The following SRPK2 variants were observed in gnomAD, a reference collection of about 807,000 sequenced individuals.
SRPK2 encodes SFRS protein kinase 2.
A neutral mutation model predicts 90.8 loss-of-function variants in SRPK2; 21 were observed. The observed-to-expected ratio is 0.23, with a 90% confidence interval of 0.16 to 0.33. The LOEUF is 0.33. Among genes scored for constraint, SRPK2 ranks in the 10% least tolerant of loss-of-function variants. The pLI is 1.00. For missense variants in SRPK2, 620 were observed against 869.0 expected (o/e 0.71, Z 3.60); for synonymous variants, 288 against 311.1 (o/e 0.93, Z 0.78).
intron 2 of SRPK2, among the ~76,000 whole-genome samples, chr7:105,323,967 T>TGTGTGTGTGTGTGTGTGTGTGTG (rs1813232169): frequency 7.5e-6 from 1 of 133,816 alleles, no homozygotes; most frequent in African/African-American, 2.7e-5. Flanking sequence ...AGACTATTCT[T>TGTGTGTGTGTGTGTGTGTGTGTG]TGTGTGTGTG....
chr7:105,187,098 T>TA (rs1268038593), intron 3 of SRPK2, among the ~76,000 whole-genome samples: 1 of 152,144 alleles, frequency 6.6e-6, no homozygotes, highest in Admixed American at 6.5e-5. Context: ...TGAACAAAAT[T>TA]AAAAAGGGGT....
intron 6 of SRPK2, among the ~76,000 whole-genome samples, chr7:105,166,909 C>T (rs1448409362): frequency 1.3e-5 from 2 of 152,144 alleles, no homozygotes. Flanking sequence ...GAACTAAGAG[C>T]AGTCAAGCGC....
chr7:105,160,630 G>A lies in SRPK2; in HGVS notation c.515-17C>T, dbSNP rs762192041. 2.0e-6 allele frequency: 3 copies of A among 1,524,514 alleles called. No individual in the cohort carries two copies. Among genetic ancestry groups the A allele is most frequent in the Admixed American group, 3.3e-5 (2 of 59,734 alleles). The allele number at this position is 1,524,514 out of a possible 1,614,324, so 94.4% of individuals were successfully genotyped here. A position where few individuals can be genotyped will look rare whatever the true frequency, so the allele number is the denominator to read the frequency against. ...TGCAGACATCTGGGACACAGTTAAG[G>A]ATCGTTTGTGGATGCACTGCCTGGA... On this transcript the variant is annotated splice_polypyrimidine_tract_variant and intron_variant, in intron 6 of 15. Coordinates refer to ENST00000393651, the MANE Select transcript of SRPK2 (RefSeq NM_182692.3).
chr7:105,181,892 A>AC lies in SRPK2; in HGVS notation c.230-12628_230-12627insG, dbSNP rs1395216934. On this transcript the variant is annotated intron_variant, in intron 3 of 15. Coordinates refer to ENST00000393651, the MANE Select transcript of SRPK2 (RefSeq NM_182692.3). ...ACCTAAGATAAAAGTAAAAAAAAAA[A>AC]AAAACAGAAAACACACACACAAAAA... Among the ~76,000 whole-genome samples the AC allele has an allele frequency of 7.2e-4, 105 of 146,268 alleles. 1 individual carries two copies. Among genetic ancestry groups the AC allele is most frequent in the Middle Eastern group, 3.5e-3 (1 of 284 alleles).
At chr7:105,322,346 G>A (rs1813031186) in intron 2 of SRPK2, among the ~76,000 whole-genome samples, 1 of 151,190 alleles carries the variant, frequency 6.6e-6, no homozygotes, top group Non-Finnish European at 1.5e-5. Context: ...GAAGCCAAGA[G>A]GTGGAGGCTG....
chr7:105,280,305 C>T (rs1807093364), intron 2 of SRPK2, among the ~76,000 whole-genome samples: 1 of 151,830 alleles, frequency 6.6e-6, no homozygotes, highest in Admixed American at 6.6e-5. Flanking sequence ...ATCCCAGCTA[C>T]TGGAGAGGCT....
intron 2 of SRPK2, among the ~76,000 whole-genome samples, chr7:105,209,519 C>G (rs1221318792): frequency 6.7e-6 from 1 of 149,014 alleles, no homozygotes; most frequent in Non-Finnish European, 1.5e-5. Context: ...GCCTGCATGA[C>G]AGAGTGAGAC....
chr7:105,272,024 T>G (rs950609963), intron 2 of SRPK2, among the ~76,000 whole-genome samples: 1 of 152,172 alleles, frequency 6.6e-6, no homozygotes, highest in Non-Finnish European at 1.5e-5. Flanking sequence ...CTTAGAACCT[T>G]CTAGATTTTG....
intron 2 of SRPK2, among the ~76,000 whole-genome samples, chr7:105,340,940 G>C (rs376502625): frequency 2.0e-5 from 3 of 152,144 alleles, no homozygotes; most frequent in African/African-American, 7.2e-5. Flanking sequence ...ATAATGATAT[G>C]TGTCAACATT....
chr7:105,357,721 G>A lies in SRPK2; in HGVS notation c.71+30927C>T, dbSNP rs150560512. On this transcript the variant is annotated intron_variant, in intron 2 of 15. Transcript: ENST00000393651. ...ATCACACCATTGCACTCCAGCCTGG[G>A]CAACAAGAGCAAGACTCCGTCTCAA... 3.3e-3 allele frequency among the ~76,000 whole-genome samples: 500 copies of A among 151,758 alleles called. 1 individual carries two copies. The highest frequency in any genetic ancestry group is 0.011 in the African/African-American group (467 of 41,362).
intron 2 of SRPK2, among the ~76,000 whole-genome samples, chr7:105,313,014 G>C (rs1022983645): frequency 2.0e-5 from 3 of 152,082 alleles, no homozygotes; most frequent in East Asian, 1.9e-4. Context: ...ATCACCATTT[G>C]AAACTACTAA....
intron 2 of SRPK2, among the ~76,000 whole-genome samples, chr7:105,276,286 C>T (rs373527790): frequency 6.6e-6 from 1 of 151,602 alleles, no homozygotes; most frequent in African/African-American, 2.4e-5. Context: ...GCTATGTTGC[C>T]GAGGCTGGTC....
At chr7:105,237,450 A>T (rs1800271959) in intron 2 of SRPK2, among the ~76,000 whole-genome samples, 1 of 152,252 alleles carries the variant, frequency 6.6e-6, no homozygotes, top group African/African-American at 2.4e-5. Flanking sequence ...ATTCTAGTTC[A>T]TCAAACAAAT....
chr7:105,155,351 A>G (rs1427936160), intron 7 of SRPK2, among the ~76,000 whole-genome samples: 1 of 152,240 alleles, frequency 6.6e-6, no homozygotes, highest in African/African-American at 2.4e-5. Context: ...AAATGAGGAA[A>G]CAGACTCACA....
intron 10 of SRPK2, 39 bp from the exon 11 acceptor site, chr7:105,142,529 T>G: frequency 1.3e-6 from 2 of 1,566,054 alleles, no homozygotes; most frequent in Non-Finnish European, 1.7e-6. Context: ...AACTTGTTAC[T>G]CTCCTTAATA....
chr7:105,303,162 T>A (rs569872125), intron 2 of SRPK2, among the ~76,000 whole-genome samples: 1 of 152,090 alleles, frequency 6.6e-6, no homozygotes, highest in Non-Finnish European at 1.5e-5. Flanking sequence ...ATGTCCCTTG[T>A]AGGGACATGG....
chr7:105,275,620 T>C (rs941211319), intron 2 of SRPK2, among the ~76,000 whole-genome samples: 2 of 152,182 alleles, frequency 1.3e-5, no homozygotes, highest in Admixed American at 6.5e-5. Flanking sequence ...AGTTTAAGGC[T>C]CCCAGACCAC....
intron 2 of SRPK2, among the ~76,000 whole-genome samples, chr7:105,348,186 C>A (rs1186665981): frequency 6.8e-6 from 1 of 148,006 alleles, no homozygotes; most frequent in Non-Finnish European, 1.5e-5. Flanking sequence ...ATTCTCATGC[C>A]TCAGCCTCCT....
upstream of SRPK2, among the ~76,000 whole-genome samples, chr7:105,390,607 G>GTTTTTTTTTTTTT (rs869259356): frequency 2.8e-5 from 3 of 109,008 alleles, no homozygotes; most frequent in African/African-American, 7.8e-5. Context: ...TTTTGTTTTT[G>GTTTTTTTTTTTTT]TTTTTTTTTT....
Sources: gnomAD v4.1 joint callset for allele counts (sites outside exome capture counted in the v4.1 genomes callset) on GRCh38, gnomAD v4.1.1 for gene constraint, MANE v1.5 for transcripts, NCBI Gene and HGNC (gene_info 2026-07-23, HGNC 2026-07-21) for gene names.